Variants in GRIK2 observed in about 807,000 individuals in gnomAD.
GRIK2 encodes the protein glutamate ionotropic receptor kainate type subunit 2.
In GRIK2, 32 loss-of-function variants were observed where a neutral mutation model predicts 100.3. The ratio of observed to expected loss-of-function variants is 0.32; its 90% CI spans 0.24 to 0.43. The LOEUF is 0.43. Ranked by LOEUF, GRIK2 falls within the 20% of genes least tolerant of loss-of-function variation. The pLI, the probability that GRIK2 is intolerant of heterozygous loss-of-function variation, is 1.00. For missense variants in GRIK2, 843 were observed against 1,114.9 expected (o/e 0.76, Z 3.47); for synonymous variants, 417 against 389.4 (o/e 1.07, Z -0.83).
chr6:101,665,091 C>T (rs1769919059), intron 4 of GRIK2, among the ~76,000 whole-genome samples: 1 of 152,142 alleles, frequency 6.6e-6, no homozygotes, highest in Non-Finnish European at 1.5e-5. Flanking sequence ...CTGCTGGAAT[C>T]ACAGATACAC....
At chr6:101,872,411 A>T (rs1785486130) in intron 11 of GRIK2, among the ~76,000 whole-genome samples, 2 of 151,840 alleles carry the variant, frequency 1.3e-5, no homozygotes, top group Non-Finnish European at 2.9e-5. Flanking sequence ...AAAAATGCTG[A>T]GTAAAGCAGG....
At chr6:101,562,787 G>T (rs993988723) in intron 2 of GRIK2, among the ~76,000 whole-genome samples, 2 of 152,068 alleles carry the variant, frequency 1.3e-5, no homozygotes, top group South Asian at 2.1e-4. Flanking sequence ...ACTCAACAAT[G>T]ATATTTCCCA....
rs558289314 is a variant in GRIK2, at chr6:101,414,275, A to G, written c.115+14883A>G. Among the ~76,000 whole-genome samples, 38 of 152,320 alleles carry G rather than the reference A, an allele frequency of 2.5e-4. No homozygotes were observed. The South Asian group carries it at 5.8e-3, about 23-fold the overall frequency. ...TTCTTGCTATCAGATTAGAATGACC[A>G]TGCATTTGTGCTCCTTTTCTCCACT... On this transcript the variant is annotated intron_variant, in intron 2 of 16. Transcript: ENST00000369134.
At chr6:101,422,960 A>G (rs1022618488) in intron 2 of GRIK2, among the ~76,000 whole-genome samples, 5 of 152,138 alleles carry the variant, frequency 3.3e-5, no homozygotes, top group African/African-American at 1.2e-4. Context: ...TCATGTTGTC[A>G]TAACACTTCA....
At chr6:101,815,729 T>C (rs540479063) in intron 9 of GRIK2, among the ~76,000 whole-genome samples, 1 of 152,140 alleles carries the variant, frequency 6.6e-6, no homozygotes, top group African/African-American at 2.4e-5. Context: ...TTTTTGCCAT[T>C]AAAACAAAAC....
intron 12 of GRIK2, among the ~76,000 whole-genome samples, chr6:101,903,848 C>T (rs1196906231): frequency 6.6e-6 from 1 of 151,074 alleles, no homozygotes; most frequent in Non-Finnish European, 1.5e-5. Context: ...ATAAATGCAT[C>T]ATAGCATATT....
chr6:101,634,051 A>G (rs1389575447), intron 4 of GRIK2, among the ~76,000 whole-genome samples: 1 of 152,108 alleles, frequency 6.6e-6, no homozygotes, highest in Non-Finnish European at 1.5e-5. Context: ...GATTAGAACT[A>G]TTTTTGGTAA....
At chr6:101,495,737 G>T (rs544728529) in intron 2 of GRIK2, among the ~76,000 whole-genome samples, 5 of 151,872 alleles carry the variant, frequency 3.3e-5, no homozygotes, top group Non-Finnish European at 5.9e-5. Context: ...TATCAGTTCA[G>T]ACCTCAAACA....
chr6:101,978,206 G>T (rs1199136391), intron 14 of GRIK2, among the ~76,000 whole-genome samples: 1 of 151,920 alleles, frequency 6.6e-6, no homozygotes, highest in East Asian at 1.9e-4. Context: ...TGGGTTAAAA[G>T]TCTGTATATC....
intron 4 of GRIK2, among the ~76,000 whole-genome samples, chr6:101,647,033 A>C: frequency 6.6e-6 from 1 of 151,986 alleles, no homozygotes; most frequent in Non-Finnish European, 1.5e-5. Flanking sequence ...TTTTCATGGC[A>C]ACTCTGTTTA....
chr6:101,539,157 A>G (rs113617205), intron 2 of GRIK2, among the ~76,000 whole-genome samples: 7 of 151,918 alleles, frequency 4.6e-5, no homozygotes, highest in Non-Finnish European at 1.0e-4. Context: ...GACTCTTAAA[A>G]TAAAAATAAA....
intron 2 of GRIK2, among the ~76,000 whole-genome samples, chr6:101,501,122 G>A (rs959378339): frequency 1.3e-5 from 2 of 151,974 alleles, no homozygotes; most frequent in African/African-American, 4.8e-5. Flanking sequence ...AAGCATATAA[G>A]AACCATCTAC....
At chr6:101,952,412 A>G (rs1465827594) in intron 14 of GRIK2, among the ~76,000 whole-genome samples, 2 of 152,154 alleles carry the variant, frequency 1.3e-5, no homozygotes, top group Non-Finnish European at 2.9e-5. Context: ...TTGTGTGAAC[A>G]TTAGCTTTTC....
chr6:102,037,932 A>T (rs191686452), intron 15 of GRIK2, among the ~76,000 whole-genome samples: 140 of 151,478 alleles, frequency 9.2e-4, no homozygotes, highest in African/African-American at 3.3e-3. Context: ...TTTTCCTAGG[A>T]AAAATCATAT....
chr6:101,622,914 T>C (rs9485522), intron 3 of GRIK2, among the ~76,000 whole-genome samples: 21,610 of 151,976 alleles, frequency 0.14, 1,554 homozygotes, highest in Admixed American at 0.17. Flanking sequence ...TATAGTCTTA[T>C]GTGGGTGATC....
intron 2 of GRIK2, among the ~76,000 whole-genome samples, chr6:101,441,547 C>T (rs1299885818): frequency 8.5e-5 from 13 of 152,196 alleles, no homozygotes; most frequent in East Asian, 1.9e-4. Flanking sequence ...ATGCTTGGCG[C>T]GGTCAAACAT....
chr6:101,919,573 G>C (rs938032051), intron 12 of GRIK2, among the ~76,000 whole-genome samples: 2 of 151,652 alleles, frequency 1.3e-5, no homozygotes, highest in Non-Finnish European at 3.0e-5. Context: ...ATCCATTGAG[G>C]GAGAATTTAT....
At chr6:101,797,237 A>G (rs1012924568) in intron 7 of GRIK2, among the ~76,000 whole-genome samples, 1 of 146,186 alleles carries the variant, frequency 6.8e-6, no homozygotes, top group Non-Finnish European at 1.5e-5. Flanking sequence ...TTAATCTTAA[A>G]AACTGTGGAA....
intron 2 of GRIK2, among the ~76,000 whole-genome samples, chr6:101,460,829 A>AT (rs992264333): frequency 2.6e-5 from 4 of 152,068 alleles, no homozygotes; most frequent in South Asian, 2.1e-4. Context: ...ACAATCAGTC[A>AT]TTTTTTTTCT....
Sources: gnomAD v4.1 joint callset for allele counts (sites outside exome capture counted in the v4.1 genomes callset) on GRCh38, gnomAD v4.1.1 for gene constraint, MANE v1.5 for transcripts, NCBI Gene and HGNC (gene_info 2026-07-23, HGNC 2026-07-21) for gene names.